PTPRN2: variants seen among roughly 807,000 people sequenced by gnomAD.
PTPRN2 encodes the protein protein tyrosine phosphatase receptor type N2.
A neutral mutation model predicts 118.8 loss-of-function variants in PTPRN2; 74 were observed. The observed-to-expected ratio is 0.62, with a 90% CI of 0.52 to 0.76. The LOEUF is 0.76. Ranked by LOEUF, PTPRN2 falls within the 30% of genes least tolerant of loss-of-function variation. PTPRN2 has a pLI of 0.00. For synonymous variants in PTPRN2, 641 were observed against 608.0 expected, an observed-to-expected ratio of 1.05 and a Z score of -0.80; for missense variants, 1,481 against 1,394.4, an observed-to-expected ratio of 1.06 and a Z score of -0.99.
chr7:158,290,864 G>C (rs1410510010), intron 3 of PTPRN2, among the ~76,000 whole-genome samples: 1 of 152,188 alleles, frequency 6.6e-6, no homozygotes, highest in African/African-American at 2.4e-5. Context: ...TTTCTGTGAT[G>C]GATGAGCAAT....
intron 2 of PTPRN2, among the ~76,000 whole-genome samples, chr7:158,333,841 A>G (rs1456261726): frequency 3.2e-4 from 41 of 126,610 alleles, no homozygotes; most frequent in African/African-American, 9.3e-4. Flanking sequence ...CACTCTCACC[A>G]TAGAGCTGAC....
At position 157,671,238 on chromosome 7, in the gene PTPRN2, G is replaced by C. The variant is rs1336826901; in HGVS notation, c.2001+11487C>G. On this transcript the variant is annotated intron_variant, in intron 13 of 22. Coordinates refer to ENST00000389418, the MANE Select transcript of PTPRN2 (RefSeq NM_002847.5). The surrounding 1 kb of genome is among the most constrained non-coding windows in gnomAD (Gnocchi z 4.1). ...GTCTATTGGACAGACCTGGCCTTTG[G>C]GAAGCCAAGGCTGTCCCCACACGGG... is the stretch of plus-strand genomic sequence containing the variant. Among the ~76,000 whole-genome samples, 1 of 152,150 alleles carries C rather than the reference G, an allele frequency of 6.6e-6. No individual in the cohort carries two copies. The highest frequency in any genetic ancestry group is 1.5e-5 in the Non-Finnish European group (1 of 68,024).
chr7:158,389,113 G>A (rs1471029194), intron 2 of PTPRN2, among the ~76,000 whole-genome samples: 1 of 152,242 alleles, frequency 6.6e-6, no homozygotes, highest in East Asian at 1.9e-4. Flanking sequence ...TCTGCGAAGA[G>A]AAGCTGAAGG....
intron 10 of PTPRN2, among the ~76,000 whole-genome samples, chr7:158,102,528 G>C (rs889825581): frequency 6.6e-6 from 1 of 152,126 alleles, no homozygotes; most frequent in Admixed American, 6.5e-5. Context: ...AACTAAGGAG[G>C]CATCCACACC....
At chr7:157,940,112 C>G (rs573710284) in intron 11 of PTPRN2, among the ~76,000 whole-genome samples, 10 of 152,122 alleles carry the variant, frequency 6.6e-5, no homozygotes, top group South Asian at 2.1e-4. Context: ...AGTTCCAGTC[C>G]AGGTCCTGAG....
intron 14 of PTPRN2, among the ~76,000 whole-genome samples, chr7:157,655,130 G>A (rs889721257): frequency 1.3e-5 from 2 of 152,332 alleles, no homozygotes; most frequent in East Asian, 1.9e-4. Flanking sequence ...CGGGTGGTCC[G>A]GCTTCGTGGG....
chr7:157,661,624 T>C (rs35140714), intron 13 of PTPRN2, among the ~76,000 whole-genome samples: 57,605 of 150,376 alleles, frequency 0.38, 11,898 homozygotes, highest in Non-Finnish European at 0.48. Context: ...GGGTCCTGGG[T>C]GGAGGAGGTT....
chr7:157,656,776 A>C (rs1180052156), intron 13 of PTPRN2, among the ~76,000 whole-genome samples: 1 of 152,070 alleles, frequency 6.6e-6, no homozygotes, highest in Non-Finnish European at 1.5e-5. Context: ...TGTGCAGGAA[A>C]AGAGAGGCCT....
chr7:157,982,771 C>T (rs1585135422), intron 11 of PTPRN2, among the ~76,000 whole-genome samples: 1 of 130,218 alleles, frequency 7.7e-6, no homozygotes, highest in African/African-American at 2.9e-5. Flanking sequence ...CAGGGTCCCC[C>T]CCAAACCCCG....
chr7:158,419,481 G>A (rs1327631719), intron 2 of PTPRN2, among the ~76,000 whole-genome samples: 9 of 121,520 alleles, frequency 7.4e-5, no homozygotes, highest in Non-Finnish European at 1.3e-4. Context: ...ACGGGGCCTC[G>A]GGACTCTCGG....
intron 11 of PTPRN2, among the ~76,000 whole-genome samples, chr7:157,967,800 G>A (rs989321343): frequency 6.6e-6 from 1 of 152,206 alleles, no homozygotes; most frequent in African/African-American, 2.4e-5. Context: ...TTTACCTTGG[G>A]ATGAATGATC....
intron 12 of PTPRN2, among the ~76,000 whole-genome samples, chr7:157,892,352 G>A (rs544234324): frequency 1.3e-5 from 2 of 152,274 alleles, no homozygotes; most frequent in South Asian, 4.1e-4. Flanking sequence ...AAAAAAACAT[G>A]GCTTTATTAA....
chr7:157,634,358 G>T (rs1804167247), intron 14 of PTPRN2, among the ~76,000 whole-genome samples: 1 of 152,110 alleles, frequency 6.6e-6, no homozygotes, highest in South Asian at 2.1e-4. Context: ...TTGTTACATG[G>T]GCAAGACATT....
chr7:158,149,973 C>A (rs1013545845), intron 6 of PTPRN2, among the ~76,000 whole-genome samples: 1 of 152,098 alleles, frequency 6.6e-6, no homozygotes, highest in East Asian at 1.9e-4. Flanking sequence ...GTAAGCAACA[C>A]AATTCTTTGC....
chr7:157,912,675 G>C (rs532573121), intron 11 of PTPRN2, among the ~76,000 whole-genome samples: 13 of 152,034 alleles, frequency 8.6e-5, no homozygotes, highest in Non-Finnish European at 1.8e-4. Context: ...ACTGATTTTT[G>C]TATGTGATTC....
At chr7:158,328,792 TTC>T (rs1491228369) in intron 2 of PTPRN2, among the ~76,000 whole-genome samples, 1 of 90,214 alleles carries the variant, frequency 1.1e-5, no homozygotes, top group South Asian at 3.7e-4. Context: ...GGGGCCTCCA[TTC>T]CCCCCCCCCC....
At chr7:158,357,331 T>C (rs933457021) in intron 2 of PTPRN2, among the ~76,000 whole-genome samples, 1 of 152,236 alleles carries the variant, frequency 6.6e-6, no homozygotes, top group Non-Finnish European at 1.5e-5. Flanking sequence ...GGCCAGGCTG[T>C]CGTTGACGCC....
At chr7:158,259,282 T>C (rs1226561424) in intron 3 of PTPRN2, among the ~76,000 whole-genome samples, 2 of 151,990 alleles carry the variant, frequency 1.3e-5, no homozygotes, top group Admixed American at 6.6e-5. Context: ...AGAAGGGCCA[T>C]GGGAGCAGGC....
intron 17 of PTPRN2, among the ~76,000 whole-genome samples, chr7:157,588,205 G>C (rs796371646): frequency 3.3e-5 from 5 of 152,350 alleles, no homozygotes; most frequent in African/African-American, 1.2e-4. Flanking sequence ...GTGACACACA[G>C]AAGCTCTCTC....
Sources: gnomAD v4.1 joint callset for allele counts (sites outside exome capture counted in the v4.1 genomes callset) on GRCh38, gnomAD v4.1.1 for gene constraint, Gnocchi (gnomAD v3.1) non-coding constraint, MANE v1.5 for transcripts, NCBI Gene and HGNC (gene_info 2026-07-23, HGNC 2026-07-21) for gene names.